ANKFY1: variants seen among roughly 807,000 people sequenced by gnomAD.
ANKFY1 encodes the protein ankyrin repeat and FYVE domain containing 1.
ANKFY1 carries 47 observed loss-of-function variants against 128.3 expected under a neutral mutation model. The observed-to-expected ratio is 0.37, with a 90% confidence interval of 0.29 to 0.47. The LOEUF (loss-of-function observed/expected upper bound fraction) is 0.47, where lower values mean the gene tolerates loss of function less well. Among genes scored for constraint, ANKFY1 ranks in the 20% least tolerant of loss-of-function variants. The pLI, the probability that ANKFY1 is intolerant of heterozygous loss-of-function variation, is 1.00. For missense variants in ANKFY1, 1,222 were observed against 1,510.6 expected, an observed-to-expected ratio of 0.81 and a Z score of 3.17; for synonymous variants, 553 against 601.6, an observed-to-expected ratio of 0.92 and a Z score of 1.18.
At chr17:4,228,961 A>G (rs1339286862) in intron 3 of ANKFY1, among the ~76,000 whole-genome samples, 2 of 152,208 alleles carry the variant, frequency 1.3e-5, no homozygotes, top group African/African-American at 2.4e-5. Flanking sequence ...TGGAGTTAAT[A>G]CATAATAAAG....
chr17:4,219,989 A>AT (rs2060282613), intron 3 of ANKFY1, among the ~76,000 whole-genome samples: 2 of 151,848 alleles, frequency 1.3e-5, no homozygotes, highest in African/African-American at 4.8e-5. Context: ...TGCCCAGCTA[A>AT]TTTTTTTGTA....
At chr17:4,183,290 C>T (rs1598027241) in intron 14 of ANKFY1, 108 bp downstream of exon 14, 1 of 1,345,072 alleles carries the variant, frequency 7.4e-7, no homozygotes, top group East Asian at 2.3e-5. Context: ...TGTTTCCTTT[C>T]CTCTAACTAA....
intron 22 of ANKFY1, 91 bp from the exon 23 acceptor site, chr17:4,170,952 A>C (rs1308479940): frequency 6.3e-7 from 1 of 1,582,536 alleles, no homozygotes; most frequent in Admixed American, 1.7e-5. Context: ...AGGGCAGAAC[A>C]GACCGCTGGC....
intron 2 of ANKFY1, among the ~76,000 whole-genome samples, chr17:4,239,860 T>G (rs1393598867): frequency 6.6e-6 from 1 of 152,082 alleles, no homozygotes; most frequent in African/African-American, 2.4e-5. Context: ...GTGGAAATTT[T>G]ACTAAGTCTT....
At chr17:4,249,900 C>T (rs1284867325) in intron 1 of ANKFY1, among the ~76,000 whole-genome samples, 1 of 152,188 alleles carries the variant, frequency 6.6e-6, no homozygotes, top group African/African-American at 2.4e-5. Context: ...AACTTGGCTT[C>T]AACCCACATC....
chr17:4,249,847 C>T (rs1306313364), intron 1 of ANKFY1, among the ~76,000 whole-genome samples: 1 of 151,714 alleles, frequency 6.6e-6, no homozygotes, highest in African/African-American at 2.4e-5. Context: ...CTTAAGAGTC[C>T]TCTTTGGTCA....
chr17:4,167,844 G>A lies in ANKFY1; in HGVS notation c.3445C>T (p.Leu1149=), dbSNP rs750951673. 185 of 1,614,038 alleles carry A rather than the reference G, an allele frequency of 1.1e-4. 1 individual carries two copies. In the Middle Eastern group the frequency reaches 2.8e-3, roughly 24 times the overall value. ...TTGCAAACCCGCACAGGCTTGTTCA[G>A]ATCAAACTTTATAATAGGAATCTCC... ...TKEIPIIKFD[L]NKPVRVCNIC... is the part of the protein sequence containing the mutation. Residue 1149 remains leucine, a synonymous_variant, in exon 25 of 25, where the codon CTG becomes TTG. Transcript: ENST00000341657. The surrounding 1 kb of genome is among the most constrained non-coding windows in gnomAD (Gnocchi z 4.1).
chr17:4,199,019 G>A (rs1379788669), intron 7 of ANKFY1, among the ~76,000 whole-genome samples: 1 of 152,078 alleles, frequency 6.6e-6, no homozygotes, highest in Admixed American at 6.6e-5. Flanking sequence ...AACTTAGCAA[G>A]GAGCGGTGAC....
At position 4,206,366 on chromosome 17, in the gene ANKFY1, C is replaced by T. The variant is rs748604686; in HGVS notation, c.853G>A (p.Val285Met). 7 of 1,614,208 alleles carry T rather than the reference C, an allele frequency of 4.3e-6. No homozygotes were observed. In the South Asian group the frequency reaches 7.7e-5, roughly 18 times the overall value. Residue 285 changes from valine (V) to methionine (M), a missense_variant, in exon 7 of 25, where the codon GTG (valine) becomes ATG (methionine). Transcript: ENST00000341657. ...LVSHKADVDM[V>M]DKSGWSLLHK... ...AACAAGCTCCAGCCACTCTTGTCCA[C>T]CATGTCCACATCAGCTTTGTGACTA...
chr17:4,189,691 G>GCCAGACAGTAGGCCCACA (rs2059680458), intron 10 of ANKFY1, among the ~76,000 whole-genome samples: 1 of 130,334 alleles, frequency 7.7e-6, no homozygotes. Flanking sequence ...GTAGGCCCAC[G>GCCAGACAGTAGGCCCACA]CCAGACAGTA....
chr17:4,248,011 G>A (rs1024420709), intron 1 of ANKFY1, among the ~76,000 whole-genome samples: 1 of 152,274 alleles, frequency 6.6e-6, no homozygotes, highest in Non-Finnish European at 1.5e-5. Context: ...CCCAGAGCTC[G>A]CATTCCAGAG....
chr17:4,211,891 A>C lies in ANKFY1; in HGVS notation c.459-1944T>G, dbSNP rs111325220. 1.5e-3 allele frequency among the ~76,000 whole-genome samples: 193 copies of C among 126,528 alleles called. 1 individual carries two copies. The highest frequency in any genetic ancestry group is 4.9e-3 in the African/African-American group (173 of 35,516). The allele number at this position is 126,528 out of a possible 152,430, so 83.0% of individuals were successfully genotyped here. A position where few individuals can be genotyped will look rare whatever the true frequency, so the allele number is the denominator to read the frequency against. ...ACAGACAGAGACTCTGTCTCAAAAA[A>C]AAAACAAAACAAAAACAAACAAACA... is the stretch of plus-strand genomic sequence containing the variant. On this transcript the variant is annotated intron_variant, in intron 4 of 24. Coordinates refer to ENST00000341657, the MANE Select transcript of ANKFY1 (RefSeq NM_001330063.2).
At chr17:4,256,155 G>A (rs373813420) in intron 1 of ANKFY1, among the ~76,000 whole-genome samples, 3 of 152,074 alleles carry the variant, frequency 2.0e-5, no homozygotes, top group Middle Eastern at 3.4e-3. Flanking sequence ...GTGGCCAGGC[G>A]CGGTGGCTCA....
intron 3 of ANKFY1, among the ~76,000 whole-genome samples, chr17:4,225,689 G>A (rs1315795331): frequency 1.3e-5 from 2 of 152,172 alleles, no homozygotes; most frequent in Admixed American, 6.5e-5. Context: ...GGCGAAACTT[G>A]AAGCAGCAAC....
intron 1 of ANKFY1, among the ~76,000 whole-genome samples, chr17:4,258,244 G>A (rs1168752244): frequency 6.6e-6 from 1 of 152,132 alleles, no homozygotes; most frequent in Non-Finnish European, 1.5e-5. Context: ...TCAGAAGTAG[G>A]GCCGGGCGCG....
intron 2 of ANKFY1, among the ~76,000 whole-genome samples, chr17:4,241,266 CTTCTTCTTCTTTTTTTTTTT>C (rs750464859): frequency 9.1e-5 from 7 of 77,312 alleles, no homozygotes; most frequent in Admixed American, 1.5e-4. Context: ...GCTTCTTCTT[CTTCTTCTTCTTTTTTTTTTT>C]TTTTTTTTTT....
intron 3 of ANKFY1, among the ~76,000 whole-genome samples, chr17:4,231,153 G>T (rs1457258190): frequency 6.6e-6 from 1 of 152,186 alleles, no homozygotes; most frequent in African/African-American, 2.4e-5. Flanking sequence ...CTCAATTTGG[G>T]TCTGATGTTT....
At chr17:4,211,652 G>A (rs1311325607) in intron 4 of ANKFY1, among the ~76,000 whole-genome samples, 1 of 152,090 alleles carries the variant, frequency 6.6e-6, no homozygotes, top group Admixed American at 6.6e-5. Flanking sequence ...AGGAGTACTT[G>A]TGGCCACGAG....
intron 3 of ANKFY1, among the ~76,000 whole-genome samples, chr17:4,224,557 C>T (rs2060389688): frequency 6.6e-6 from 1 of 151,354 alleles, no homozygotes. Context: ...TTGTCTTGTA[C>T]AAGAAAAGGC....
Sources: allele counts gnomAD v4.1 joint callset (sites outside exome capture counted in the v4.1 genomes callset), GRCh38; gene constraint gnomAD v4.1.1; non-coding constraint Gnocchi (gnomAD v3.1); transcripts MANE v1.5; gene names NCBI Gene and HGNC (gene_info 2026-07-23, HGNC 2026-07-21).